Variants in OTOF observed in about 807,000 individuals in gnomAD.
OTOF encodes the protein otoferlin, also known as fer-1-like family member 2.
Under a neutral mutation model 236.8 loss-of-function variants are expected in OTOF, and 218 were observed. That is an observed-to-expected ratio of 0.92 (90% CI 0.82 to 1.03). The LOEUF is 1.03. Among genes scored for constraint, OTOF ranks in the 50% least tolerant of loss-of-function variants. The probability of loss-of-function intolerance (pLI) is 0.00; values close to 1 mark genes in which losing one functional copy is unlikely to be tolerated. For synonymous variants in OTOF, 1,041 were observed against 1,072.5 expected (o/e 0.97, Z 0.57); for missense variants, 2,590 against 2,694.4 (o/e 0.96, Z 0.86).
chr2:26,539,678 T>C (rs563148476), intron 1 of OTOF, among the ~76,000 whole-genome samples: 61 of 152,298 alleles, frequency 4.0e-4, no homozygotes, highest in Middle Eastern at 6.8e-3. Flanking sequence ...GAGGTTGTGG[T>C]GGGCCGAGAT....
At chr2:26,497,014 G>C (rs1220354739) in intron 8 of OTOF, among the ~76,000 whole-genome samples, 1 of 150,816 alleles carries the variant, frequency 6.6e-6, no homozygotes, top group Non-Finnish European at 1.5e-5. Flanking sequence ...TGATTCACTT[G>C]CCTCTCTCAA....
chr2:26,547,244 T>G (rs1013113213), intron 1 of OTOF, among the ~76,000 whole-genome samples: 1 of 152,250 alleles, frequency 6.6e-6, no homozygotes, highest in Admixed American at 6.5e-5. Context: ...ATGAATTTTT[T>G]CCTTTACTGT....
At chr2:26,555,729 C>G (rs528239213) in intron 1 of OTOF, among the ~76,000 whole-genome samples, 2 of 152,260 alleles carry the variant, frequency 1.3e-5, no homozygotes, top group African/African-American at 4.8e-5. Context: ...TAGACGTGCT[C>G]TCCTCTTCCC....
intron 1 of OTOF, among the ~76,000 whole-genome samples, chr2:26,540,851 A>C (rs902655591): frequency 6.6e-6 from 1 of 152,218 alleles, no homozygotes. Context: ...ATGGGAAAGA[A>C]AGAATGTTTA....
chr2:26,510,861 C>G (rs1666369396), intron 5 of OTOF: 2 of 527,816 alleles, frequency 3.8e-6, no homozygotes, highest in Non-Finnish European at 6.2e-6. Context: ...CGGGGGCCTC[C>G]TTGTCCCACA....
At chr2:26,466,892 G>A (rs760259059) in intron 35 of OTOF, 41 bp from the exon 36 acceptor site, 3 of 1,613,842 alleles carry the variant, frequency 1.9e-6, no homozygotes, top group Non-Finnish European at 2.5e-6. Context: ...GGTTTGCCTG[G>A]CAAGGGTGGC....
chr2:26,474,321 C>T (rs1434279662), intron 26 of OTOF, among the ~76,000 whole-genome samples, 192 bp downstream of exon 26: 4 of 146,080 alleles, frequency 2.7e-5, no homozygotes, highest in Non-Finnish European at 6.1e-5. Context: ...ACGCCCAGGC[C>T]CTAACCCCCC....
chr2:26,493,110 G>A (rs189323704), intron 9 of OTOF, among the ~76,000 whole-genome samples: 8 of 152,280 alleles, frequency 5.3e-5, no homozygotes, highest in African/African-American at 1.4e-4. Context: ...GTGTCCTAAC[G>A]TAAGGCCAGA....
intron 15 of OTOF, 112 bp downstream of exon 15, chr2:26,480,674 G>T: frequency 1.2e-6 from 1 of 861,338 alleles, no homozygotes; most frequent in South Asian, 1.4e-5. Flanking sequence ...CCTGAGGTAT[G>T]ACTCCTCAGG....
intron 5 of OTOF, among the ~76,000 whole-genome samples, chr2:26,508,067 T>C (rs1452221706): frequency 6.6e-6 from 1 of 152,206 alleles, no homozygotes. Flanking sequence ...TGAAAGCTAA[T>C]AGAGACCTGA....
chr2:26,467,563 A>G, intron 33 of OTOF, 62 bp from the exon 34 acceptor site: 3 of 1,569,340 alleles, frequency 1.9e-6, no homozygotes, highest in Non-Finnish European at 1.7e-6. Context: ...CCTGGATTCG[A>G]GACCCAGCTC....
chr2:26,464,195 C>G, intron 39 of OTOF, 89 bp from the exon 40 acceptor site: 1 of 1,504,120 alleles, frequency 6.6e-7, no homozygotes, highest in Non-Finnish European at 9.1e-7. Flanking sequence ...CACAAAGAAG[C>G]CTCTATGCCA....
At chr2:26,542,944 T>G (rs1312883361) in intron 1 of OTOF, among the ~76,000 whole-genome samples, 2 of 152,306 alleles carry the variant, frequency 1.3e-5, no homozygotes, top group African/African-American at 2.4e-5. Flanking sequence ...CTGTGTGAGC[T>G]GAGAAATAGA....
At position 26,516,557 on chromosome 2, in the gene OTOF, T is replaced by C. The variant is rs1376203532; in HGVS notation, c.370A>G (p.Thr124Ala). 1.2e-6 allele frequency: 2 copies of C among 1,610,812 alleles called. No homozygotes were observed. Among genetic ancestry groups the C allele is most frequent in the East Asian group, 2.2e-5 (1 of 44,878 alleles). Residue 124 changes from threonine (T) to alanine (A), a missense_variant, in exon 5 of 47, where the codon ACA (threonine) becomes GCA (alanine). Thr to Ala is a moderately conservative substitution (Grantham distance 58, BLOSUM62 0). Coordinates refer to ENST00000272371, the MANE Select transcript of OTOF (RefSeq NM_194248.3). ...VEVRYQATDGTVGSWDDGDFL... is the reference protein window; with the variant it reads ...VEVRYQATDGAVGSWDDGDFL... ...TCCCCATCGTCCCAGGAGCCCACTGTGCCGTCAGTGGCCTGATACCGGACC... is the reference window on the plus strand; with the variant it reads ...TCCCCATCGTCCCAGGAGCCCACTGCGCCGTCAGTGGCCTGATACCGGACC...
At chr2:26,491,866 C>T (rs1038098436) in intron 9 of OTOF, among the ~76,000 whole-genome samples, 2 of 152,226 alleles carry the variant, frequency 1.3e-5, no homozygotes, top group East Asian at 1.9e-4. Flanking sequence ...GCCAGAATCC[C>T]GAACTCTCTG....
rs552370678 is a variant in OTOF at position 26,466,019 on chromosome 2, G to A, written c.4558C>T (p.Arg1520Trp). Residue 1520 changes from arginine (R) to tryptophan (W), a missense_variant, in exon 37 of 47, where the codon CGG becomes TGG. By Grantham distance (101) the Arg-to-Trp change is moderately radical (BLOSUM62 -3). Around this residue, in one of 2 missense-constraint regions of OTOF, gnomAD observed 1,211 missense variants for 1,352.8 expected, o/e 0.90. Transcript: ENST00000272371. ...TCGCGGATGTCAGTCTTGCCTAGCCGGATGGCGATGTAGGGGTCAGCTTTG... is the reference window on the plus strand; with the variant it reads ...TCGCGGATGTCAGTCTTGCCTAGCCAGATGGCGATGTAGGGGTCAGCTTTG... ...NGKADPYIAI[R>W]LGKTDIRDKE... 1.2e-5 allele frequency: 19 copies of A among 1,614,222 alleles called. No individual in the cohort carries two copies. Among genetic ancestry groups the A allele is most frequent in the Non-Finnish European group, 1.5e-5 (18 of 1,180,042 alleles).
intron 11 of OTOF, among the ~76,000 whole-genome samples, chr2:26,488,599 G>C (rs1271103275): frequency 6.6e-6 from 1 of 152,240 alleles, no homozygotes; most frequent in Non-Finnish European, 1.5e-5. Flanking sequence ...GTCCCTCAGA[G>C]GCCGCCGCAC....
intron 5 of OTOF, 31 bp from the exon 6 acceptor site, chr2:26,503,876 G>A (rs1197160589): frequency 6.3e-7 from 1 of 1,593,000 alleles, no homozygotes; most frequent in Admixed American, 1.7e-5. Context: ...ATGAGGTGCA[G>A]GGAGAGGGAC....
Position 26,477,059 on chromosome 2 carries a change from T to TGGGGGGGG in OTOF, c.2524-17_2524-16insCCCCCCCC. ...TGTGCTGGGGCTGGGGGTTGGGGGG[T>TGGGGGGGG]GGCCAGGGGCAGTGGGTAAGGGGGT... On this transcript the variant is annotated splice_polypyrimidine_tract_variant and intron_variant, in intron 21 of 46. Coordinates refer to ENST00000272371, the MANE Select transcript of OTOF (RefSeq NM_194248.3). The surrounding 1 kb of genome is among the most constrained non-coding windows in gnomAD (Gnocchi z 4.7). 1.2e-5 allele frequency: 10 copies of TGGGGGGGG among 828,388 alleles called. No homozygotes were observed. The highest frequency in any genetic ancestry group is 1.7e-5 in the Non-Finnish European group (9 of 519,986). 51.3% of individuals were successfully genotyped at this position (828,388 alleles called of 1,614,324 possible).
Sources: allele counts gnomAD v4.1 joint callset (sites outside exome capture counted in the v4.1 genomes callset), GRCh38; gene constraint gnomAD v4.1.1; regional missense constraint gnomAD v4.1.1; non-coding constraint Gnocchi (gnomAD v3.1); transcripts MANE v1.5; gene names NCBI Gene and HGNC (gene_info 2026-07-23, HGNC 2026-07-21).